Variants in TBL1X observed in about 807,000 individuals in gnomAD.
TBL1X encodes F-box-like/WD repeat-containing protein TBL1X.
In TBL1X, 10 loss-of-function variants were observed where a neutral mutation model predicts 50.7. The observed-to-expected ratio is 0.20, with a 90% confidence interval of 0.12 to 0.33. TBL1X has a LOEUF of 0.33. TBL1X is among the 10% of genes least tolerant of loss of function. TBL1X has a pLI of 1.00. For missense variants in TBL1X, 340 were observed against 504.4 expected (o/e 0.67, Z 3.12); for synonymous variants, 190 against 214.7 (o/e 0.88, Z 1.01).
chrX:9,695,848 G>T lies in TBL1X; in HGVS notation c.1054-1521G>T, dbSNP rs192152251. Among the ~76,000 whole-genome samples, 926 of 112,189 alleles carry T rather than the reference G, an allele frequency of 8.3e-3. 13 individuals are homozygous for T. The highest frequency in any genetic ancestry group is 0.028 in the African/African-American group (874 of 30,861). On this transcript the variant is annotated intron_variant, in intron 11 of 17. Transcript: ENST00000645353. The stretch of plus-strand genomic sequence containing the variant: ...CTGGAGACTGTTAACATTTGTGATT[G>T]TTTTTCTCACTGATTATCAGTCTTA...
chrX:9,511,219 A>G (rs2082054324), intron 2 of TBL1X, among the ~76,000 whole-genome samples: 1 of 112,580 alleles, frequency 8.9e-6, no homozygotes, highest in Admixed American at 9.4e-5. Flanking sequence ...AAACTGTAAA[A>G]GCCAAGAGGG....
Position 9,693,016 on chromosome X carries a change from A to G in TBL1X, c.892-133A>G. ...GATAGCTTTCAGCATGGTATTTTCAATTCTGTCATTAAAGAACACGCAGTG... is the reference window on the plus strand; with the variant it reads ...GATAGCTTTCAGCATGGTATTTTCAGTTCTGTCATTAAAGAACACGCAGTG... On this transcript the variant is annotated intron_variant, in intron 9 of 17. Coordinates refer to ENST00000645353, the MANE Select transcript of TBL1X (RefSeq NM_005647.4). The G allele has an allele frequency of 4.8e-6, 3 of 625,946 alleles. No homozygotes were observed. The East Asian group carries it at 9.7e-5, about 20-fold the overall frequency. 51.6% of individuals were successfully genotyped at this position (625,946 alleles called of 1,213,427 possible).
chrX:9,515,257 A>G (rs2082076197), intron 2 of TBL1X, among the ~76,000 whole-genome samples: 1 of 111,797 alleles, frequency 8.9e-6, no homozygotes, highest in South Asian at 3.7e-4. Flanking sequence ...TGTGTTTTAC[A>G]CTAATTAAGC....
chrX:9,512,389 C>T (rs928922858), intron 2 of TBL1X, among the ~76,000 whole-genome samples: 1 of 111,725 alleles, frequency 9.0e-6, no homozygotes, highest in Non-Finnish European at 1.9e-5. Flanking sequence ...CGTGGCACCC[C>T]CTGAGCTTAA....
intron 5 of TBL1X, among the ~76,000 whole-genome samples, chrX:9,682,696 G>T (rs994212738): frequency 8.9e-6 from 1 of 111,920 alleles, no homozygotes; most frequent in Non-Finnish European, 1.9e-5. Flanking sequence ...GAGGGAAGCC[G>T]GCTGCCACTG....
intron 2 of TBL1X, among the ~76,000 whole-genome samples, chrX:9,546,814 T>C (rs1410899015): frequency 2.9e-5 from 1 of 33,986 alleles, no homozygotes; most frequent in African/African-American, 1.4e-4. Flanking sequence ...TTTTTTTTTT[T>C]TTTTTTTTTT....
rs2083228929 is a variant in TBL1X at position 9,709,167 on chromosome X, C to T, written c.1237-81C>T. On this transcript the variant is annotated intron_variant, in intron 13 of 17. Coordinates refer to ENST00000645353, the MANE Select transcript of TBL1X (RefSeq NM_005647.4). ...AAGACCTTCTGCAGCGCCGGTGGCGCGCTGCTGCCCCCTGCTGGAAGGTGA... is the reference window on the plus strand; with the variant it reads ...AAGACCTTCTGCAGCGCCGGTGGCGTGCTGCTGCCCCCTGCTGGAAGGTGA... The T allele has an allele frequency of 3.0e-6, 3 of 1,014,851 alleles. No homozygotes were observed. In the Admixed American group the frequency reaches 7.6e-5, roughly 26 times the overall value. 83.6% of individuals were successfully genotyped at this position (1,014,851 alleles called of 1,213,427 possible). A position where few individuals can be genotyped will look rare whatever the true frequency, so the allele number is the denominator to read the frequency against.
At chrX:9,513,760 A>C (rs965854711) in intron 2 of TBL1X, among the ~76,000 whole-genome samples, 1 of 109,621 alleles carries the variant, frequency 9.1e-6, no homozygotes, top group African/African-American at 3.3e-5. Context: ...AATACCTGAG[A>C]CTGGGTAATT....
chrX:9,479,764 C>T (rs144249626), intron 1 of TBL1X, among the ~76,000 whole-genome samples: 1,528 of 111,473 alleles, frequency 0.014, 29 homozygotes, highest in African/African-American at 0.048. Context: ...TTAGCCGGCT[C>T]CCCTGGCTAG....
chrX:9,492,868 T>TA (rs753550487), intron 1 of TBL1X, among the ~76,000 whole-genome samples: 9,273 of 61,134 alleles, frequency 0.15, 529 homozygotes, highest in South Asian at 0.33. Flanking sequence ...TGTGTGTGTG[T>TA]GTGTGTGTGT....
chrX:9,661,293 A>T (rs2082897056), intron 5 of TBL1X, among the ~76,000 whole-genome samples: 1 of 112,268 alleles, frequency 8.9e-6, no homozygotes, highest in South Asian at 3.7e-4. Context: ...CACGCCTATA[A>T]TCCCAGCACT....
intron 2 of TBL1X, among the ~76,000 whole-genome samples, chrX:9,567,379 G>A (rs2082356788): frequency 9.0e-6 from 1 of 111,260 alleles, no homozygotes; most frequent in Non-Finnish European, 1.9e-5. Flanking sequence ...CACTGCAGCT[G>A]TTCTTGAAGA....
In TBL1X at chrX:9,497,843, C is replaced by G. The variant is rs370928990; in HGVS notation, c.-200-3937C>G. ...CGTTTCTTTCTTTTTTCTTTTCTTT[C>G]TCTCTCTCTCTGTCTCCCTCTCTCT... On this transcript the variant is annotated intron_variant, in intron 1 of 17. Transcript: ENST00000645353. Among the ~76,000 whole-genome samples, 70 of 39,612 alleles carry G rather than the reference C, an allele frequency of 1.8e-3. 1 individual carries two copies. The highest frequency in any genetic ancestry group is 4.1e-3 in the African/African-American group (65 of 15,996). 34.4% of individuals were successfully genotyped at this position (39,612 alleles called of 115,157 possible).
At chrX:9,527,526 G>A (rs1466135723) in intron 2 of TBL1X, among the ~76,000 whole-genome samples, 1 of 111,928 alleles carries the variant, frequency 8.9e-6, no homozygotes, top group Non-Finnish European at 1.9e-5. Context: ...TCCTTGGGGT[G>A]GGGGTTGATC....
At chrX:9,497,210 A>G (rs1321897006) in intron 1 of TBL1X, among the ~76,000 whole-genome samples, 1 of 110,111 alleles carries the variant, frequency 9.1e-6, no homozygotes, top group Non-Finnish European at 1.9e-5. Context: ...GGGGTTTGAG[A>G]CCAGCCTGGG....
At chrX:9,593,290 C>T (rs5979130) in intron 2 of TBL1X, among the ~76,000 whole-genome samples, 13,593 of 108,238 alleles carry the variant, frequency 0.13, 1,422 homozygotes, top group African/African-American at 0.35. Flanking sequence ...TAATCCCAGC[C>T]ACTCAGGAGG....
chrX:9,518,350 C>A (rs2082091046), intron 2 of TBL1X, among the ~76,000 whole-genome samples: 2 of 111,714 alleles, frequency 1.8e-5, no homozygotes, highest in South Asian at 7.6e-4. Context: ...AAGGCACGTA[C>A]CATCTTGGTG....
intron 2 of TBL1X, among the ~76,000 whole-genome samples, chrX:9,611,818 T>C (rs1298946820): frequency 8.9e-6 from 1 of 111,745 alleles, no homozygotes; most frequent in Non-Finnish European, 1.9e-5. Flanking sequence ...GCACAGGTGT[T>C]GGCACGGCCA....
intron 2 of TBL1X, among the ~76,000 whole-genome samples, chrX:9,621,519 T>C (rs1183794243): frequency 8.9e-6 from 1 of 111,974 alleles, no homozygotes; most frequent in East Asian, 2.8e-4. Context: ...GCTTAACTTC[T>C]ATCCTCCTGT....
Sources: gnomAD v4.1 joint callset for allele counts (sites outside exome capture counted in the v4.1 genomes callset) on GRCh38, gnomAD v4.1.1 for gene constraint, MANE v1.5 for transcripts, NCBI Gene and HGNC (gene_info 2026-07-23, HGNC 2026-07-21) for gene names.